The following GSTT4 variants were observed in gnomAD, a reference collection of about 807,000 sequenced individuals.
GSTT4 encodes the protein glutathione S-transferase theta 4.
At chr22:23,999,351 A>G (rs1007386921) in intron 4 of GSTT4, among the ~76,000 whole-genome samples, 3 of 151,058 alleles carry the variant, frequency 2.0e-5, no homozygotes, top group Non-Finnish European at 4.4e-5. Context: ...CAAACAGACC[A>G]AGGAGACTAA....
At chr22:24,002,005 G>A (rs2146231443) in intron 2 of GSTT4, among the ~76,000 whole-genome samples, 1 of 152,240 alleles carries the variant, frequency 6.6e-6, no homozygotes, top group East Asian at 1.9e-4. Context: ...AACCAACAAA[G>A]AAAAACACAT....
chr22:23,994,437 G>A (rs2146221649), downstream of GSTT4, among the ~76,000 whole-genome samples: 1 of 151,550 alleles, frequency 6.6e-6, no homozygotes. Flanking sequence ...CTAGCCCCTG[G>A]TTACCATTCA....
At chr22:24,002,391 C>T (rs1365217160) in intron 2 of GSTT4, among the ~76,000 whole-genome samples, 2 of 152,266 alleles carry the variant, frequency 1.3e-5, no homozygotes, top group Admixed American at 1.3e-4. Flanking sequence ...CTAGGCCTTG[C>T]TGATTGATGG....
At chr22:23,996,407 T>C (rs8136534), downstream of GSTT4, among the ~76,000 whole-genome samples, 25,175 of 152,142 alleles carry the variant, frequency 0.17, 2,209 homozygotes, top group African/African-American at 0.19. Context: ...GAATGAACAT[T>C]CTTGTCCTGT....
At chr22:23,992,031 C>G in the GSTT4 span, among the ~76,000 whole-genome samples, 1 of 132,286 alleles carries the variant, frequency 7.6e-6, no homozygotes, top group Non-Finnish European at 1.6e-5. Context: ...CCAGCCTGGG[C>G]GACAGAGCCA....
downstream of GSTT4, among the ~76,000 whole-genome samples, chr22:23,994,214 T>C (rs533725313): frequency 2.0e-5 from 3 of 150,874 alleles, no homozygotes; most frequent in African/African-American, 7.3e-5. Flanking sequence ...AACAATGTAA[T>C]CATATTTTCA....
chr22:23,989,795 G>A, the GSTT4 span, among the ~76,000 whole-genome samples: 3 of 149,202 alleles, frequency 2.0e-5, no homozygotes, highest in Non-Finnish European at 3.0e-5. Context: ...GCTAGAGGCC[G>A]CATTAGGTGC....
chr22:23,991,004 C>CAATAAT, the GSTT4 span, among the ~76,000 whole-genome samples: 8 of 74,360 alleles, frequency 1.1e-4, 1 homozygote, highest in African/African-American at 2.0e-4. Flanking sequence ...GACCTCCTCT[C>CAATAAT]AATAATAATA....
intron 3 of GSTT4, among the ~76,000 whole-genome samples, chr22:24,000,623 A>G (rs1485898080): frequency 6.9e-6 from 1 of 144,128 alleles, no homozygotes; most frequent in Non-Finnish European, 1.5e-5. Flanking sequence ...CAGTGGCACA[A>G]TCTTGGCTCA....
chr22:23,995,482 G>A (rs568051589), downstream of GSTT4, among the ~76,000 whole-genome samples: 15 of 152,018 alleles, frequency 9.9e-5, no homozygotes, highest in East Asian at 1.9e-4. Flanking sequence ...GATTCCAACC[G>A]AAATACATAG....
the GSTT4 span, among the ~76,000 whole-genome samples, chr22:23,991,843 A>G: frequency 7.7e-6 from 1 of 129,260 alleles, no homozygotes; most frequent in South Asian, 2.9e-4. Context: ...TCACGAGGTC[A>G]GGAGATCGAG....
In GSTT4 at chr22:24,002,830, C is replaced by CAG. The variant is rs1329635883; in HGVS notation, c.200+929_200+930insCT. Among the ~76,000 whole-genome samples the CAG allele has an allele frequency of 4.4e-5, 4 of 90,042 alleles. No individual in the cohort carries two copies. The Admixed American group carries it at 5.4e-4, about 12-fold the overall frequency. The allele number at this position is 90,042 out of a possible 152,430, so 59.1% of individuals were successfully genotyped here. ...TGGGCAACAGAGCGAGACTCCGTCT[C>CAG]AAAAAAAAAAAAAAAAAAAACTTCT... is the stretch of plus-strand genomic sequence containing the variant. On this transcript the variant is annotated intron_variant, in intron 2 of 4. Coordinates refer to ENST00000621179, the MANE Select transcript of GSTT4 (RefSeq NM_001358664.2).
chr22:23,993,901 A>T (rs997223928), downstream of GSTT4, among the ~76,000 whole-genome samples: 31 of 151,672 alleles, frequency 2.0e-4, no homozygotes, highest in Non-Finnish European at 4.1e-4. Flanking sequence ...GGCCCCCAGG[A>T]TACACGTTTA....
Position 24,003,457 on chromosome 22 carries a change from C to T in GSTT4, c.200+303G>A, listed in dbSNP as rs534173423. Among the ~76,000 whole-genome samples the T allele has an allele frequency of 2.6e-5, 4 of 152,376 alleles. No individual in the cohort carries two copies. The South Asian group carries it at 8.3e-4, about 32-fold the overall frequency. On this transcript the variant is annotated intron_variant, in intron 2 of 4. Transcript: ENST00000621179. ...CTTGAACACGTGAGCTCAGGCCATC[C>T]CCTCACTTCAGCCTCTCAAAGTGCT...
At chr22:23,999,313 T>C (rs1172117143) in intron 4 of GSTT4, among the ~76,000 whole-genome samples, 4 of 151,860 alleles carry the variant, frequency 2.6e-5, no homozygotes, top group Non-Finnish European at 4.4e-5. Flanking sequence ...CAGGCCAGAA[T>C]GATTTTTCCT....
downstream of GSTT4, among the ~76,000 whole-genome samples, chr22:23,994,593 C>T (rs1305913283): frequency 1.5e-4 from 22 of 148,932 alleles, 1 homozygote; most frequent in South Asian, 1.5e-3. Context: ...TAGCATATAA[C>T]GGTACTTCAT....
At chr22:24,003,354 G>A (rs2034278595) in intron 2 of GSTT4, among the ~76,000 whole-genome samples, 1 of 152,246 alleles carries the variant, frequency 6.6e-6, no homozygotes, top group Non-Finnish European at 1.5e-5. Context: ...GGGACTACAG[G>A]TGCAGACCAC....
At chr22:23,996,902 G>C (rs2034121921), downstream of GSTT4, among the ~76,000 whole-genome samples, 1 of 152,042 alleles carries the variant, frequency 6.6e-6, no homozygotes, top group Admixed American at 6.6e-5. Flanking sequence ...GTTTGTGAAG[G>C]CTTTGTGTTA....
At chr22:24,001,543 A>G (rs1443046312) in intron 2 of GSTT4, among the ~76,000 whole-genome samples, 1 of 152,262 alleles carries the variant, frequency 6.6e-6, no homozygotes, top group Non-Finnish European at 1.5e-5. Context: ...CTGGTGGTAT[A>G]ACAAAGAGTA....
Sources: gnomAD v4.1 joint callset for allele counts (sites outside exome capture counted in the v4.1 genomes callset) on GRCh38, gnomAD v4.1.1 for gene constraint, MANE v1.5 for transcripts, NCBI Gene and HGNC (gene_info 2026-07-23, HGNC 2026-07-21) for gene names.